Variants in NMT2 observed in about 807,000 individuals in gnomAD.
NMT2 encodes the protein glycylpeptide N-tetradecanoyltransferase 2.
A neutral mutation model predicts 65.4 loss-of-function variants in NMT2; 35 were observed. That is an observed-to-expected ratio of 0.54 (90% confidence interval 0.41 to 0.71). NMT2 has a LOEUF of 0.71. Ranked by LOEUF, NMT2 falls within the 30% of genes least tolerant of loss-of-function variation. The pLI, the probability that NMT2 is intolerant of heterozygous loss-of-function variation, is 0.00. For synonymous variants in NMT2, 226 were observed against 231.8 expected (o/e 0.98, Z 0.23); for missense variants, 489 against 611.3 (o/e 0.80, Z 2.11).
At chr10:15,144,184 T>C (rs1343968003) in intron 1 of NMT2, among the ~76,000 whole-genome samples, 1 of 152,240 alleles carries the variant, frequency 6.6e-6, no homozygotes, top group Non-Finnish European at 1.5e-5. Context: ...GCAAGAGTTT[T>C]TCTTTTTCTC....
chr10:15,140,762 G>A (rs1846724536), intron 2 of NMT2, among the ~76,000 whole-genome samples: 1 of 152,162 alleles, frequency 6.6e-6, no homozygotes, highest in Admixed American at 6.5e-5. Flanking sequence ...AGGGTGCCTG[G>A]GGGTTGGCTC....
At position 15,159,697 on chromosome 10, in the gene NMT2, G is replaced by C. The variant is rs191282418; in HGVS notation, c.110+8806C>G. On this transcript the variant is annotated intron_variant, in intron 1 of 11. Coordinates refer to ENST00000378165, the MANE Select transcript of NMT2 (RefSeq NM_004808.3). ...CCCGCCTCGGCCTCCCAAAGTGCTG[G>C]GATTACAGGCGTGAGCCACTGCGCC... 2.9e-3 allele frequency among the ~76,000 whole-genome samples: 435 copies of C among 152,256 alleles called. 3 individuals are homozygous for C. The highest frequency in any genetic ancestry group is 8.0e-3 in the Admixed American group (123 of 15,280).
chr10:15,120,014 T>C (rs1215051866), intron 8 of NMT2, among the ~76,000 whole-genome samples: 1 of 152,024 alleles, frequency 6.6e-6, no homozygotes, highest in Non-Finnish European at 1.5e-5. Context: ...AGACGAAAAA[T>C]ATTCGGGGAA....
At chr10:15,140,201 C>A (rs577021667) in intron 2 of NMT2, among the ~76,000 whole-genome samples, 1 of 152,220 alleles carries the variant, frequency 6.6e-6, no homozygotes, top group South Asian at 2.1e-4. Context: ...TGGCTCACTG[C>A]AACCTCCACC....
chr10:15,121,064 G>A (rs1459019186), intron 8 of NMT2, among the ~76,000 whole-genome samples: 1 of 152,138 alleles, frequency 6.6e-6, no homozygotes, highest in Non-Finnish European at 1.5e-5. Flanking sequence ...TCAGGGGCCA[G>A]GGGACTTGAG....
intron 8 of NMT2, among the ~76,000 whole-genome samples, chr10:15,127,546 CAAAAAAA>C (rs1239422956): frequency 1.9e-5 from 1 of 51,370 alleles, no homozygotes; most frequent in Non-Finnish European, 4.6e-5. Context: ...GACTCCGTCT[CAAAAAAA>C]AAAAAAAAAA....
Position 15,168,519 on chromosome 10 carries a change from T to C in NMT2, c.94A>G (p.Thr32Ala). 3 of 1,586,402 alleles carry C rather than the reference T, an allele frequency of 1.9e-6. No individual in the cohort carries two copies. Among genetic ancestry groups the C allele is most frequent in the Non-Finnish European group, 2.6e-6 (3 of 1,169,316 alleles). ...CGIDGDNEEE[T>A]EHAKGSPGGY... ...CGCCCCTACCCTTTGGCGTGCTCCG[T>C]CTCCTCCTCATTGTCCCCGTCTATC... The change falls in exon 1 of 12, where the codon ACG becomes GCG. Residue 32 changes from threonine (T) to alanine (A), a missense_variant. By Grantham distance (58) the Thr-to-Ala change is moderately conservative. Coordinates refer to ENST00000378165, the MANE Select transcript of NMT2 (RefSeq NM_004808.3).
At chr10:15,154,795 C>T (rs1224401072) in intron 1 of NMT2, 5 of 744,700 alleles carry the variant, frequency 6.7e-6, no homozygotes, top group Non-Finnish European at 1.2e-5. Context: ...ACAAGTCAAA[C>T]TTATTAGAGT....
chr10:15,149,433 C>T (rs370902514), intron 1 of NMT2, among the ~76,000 whole-genome samples: 1 of 21,442 alleles, frequency 4.7e-5, no homozygotes, highest in Admixed American at 5.4e-4. Context: ...ATCACCATCA[C>T]CATCATCACC....
At chr10:15,118,632 A>G (rs1309449276) in intron 9 of NMT2, among the ~76,000 whole-genome samples, 31 of 152,332 alleles carry the variant, frequency 2.0e-4, no homozygotes, top group Admixed American at 2.0e-3. Context: ...CAAGTTTATA[A>G]AAGAAATAAA....
chr10:15,147,095 C>CAAAAAAAAAAAAAAA (rs34668178), intron 1 of NMT2, among the ~76,000 whole-genome samples: 9 of 44,518 alleles, frequency 2.0e-4, no homozygotes, highest in African/African-American at 2.7e-4. Flanking sequence ...CTCTCGCTCT[C>CAAAAAAAAAAAAAAA]AAAAAAAAAA....
At chr10:15,141,711 G>A (rs146158952) in intron 1 of NMT2, among the ~76,000 whole-genome samples, 154 bp from the exon 2 acceptor site, 2 of 152,334 alleles carry the variant, frequency 1.3e-5, no homozygotes, top group African/African-American at 4.8e-5. Flanking sequence ...AAAGGTAGTG[G>A]AGTGAAGACG....
intron 1 of NMT2, among the ~76,000 whole-genome samples, chr10:15,164,576 G>A (rs1481106830): frequency 6.6e-6 from 1 of 152,198 alleles, no homozygotes. Context: ...AAAGGACAGC[G>A]AGAAGACAGT....
intron 8 of NMT2, among the ~76,000 whole-genome samples, chr10:15,127,546 C>CAAAAAAAAAAAAAAAAAAA (rs1239422956): frequency 3.9e-5 from 2 of 51,394 alleles, no homozygotes; most frequent in African/African-American, 4.9e-5. Flanking sequence ...GACTCCGTCT[C>CAAAAAAAAAAAAAAAAAAA]AAAAAAAAAA....
At chr10:15,114,917 G>A (rs1033075339) in intron 9 of NMT2, among the ~76,000 whole-genome samples, 4 of 152,184 alleles carry the variant, frequency 2.6e-5, no homozygotes, top group East Asian at 1.9e-4. Context: ...CACAAGAATT[G>A]CTTGAACCCA....
chr10:15,131,605 A>G (rs1043052721), intron 6 of NMT2, among the ~76,000 whole-genome samples: 1 of 152,168 alleles, frequency 6.6e-6, no homozygotes, highest in African/African-American at 2.4e-5. Flanking sequence ...GCTCTGAACT[A>G]CAGTAAACCT....
intron 8 of NMT2, among the ~76,000 whole-genome samples, chr10:15,121,260 A>G (rs1310851157): frequency 1.3e-5 from 2 of 152,212 alleles, no homozygotes; most frequent in African/African-American, 4.8e-5. Context: ...TAAAAATTTT[A>G]TATAATCTAG....
intron 1 of NMT2, chr10:15,154,838 G>A: frequency 1.3e-6 from 1 of 777,706 alleles, no homozygotes; most frequent in South Asian, 1.3e-5. Context: ...TCTTCTTCCT[G>A]CTCTTGCCAT....
intron 1 of NMT2, among the ~76,000 whole-genome samples, chr10:15,149,534 A>C (rs1163944829): frequency 1.3e-5 from 2 of 150,122 alleles, no homozygotes; most frequent in African/African-American, 4.9e-5. Flanking sequence ...CATCACCATC[A>C]TCACCACCAT....
Sources: gnomAD v4.1 joint callset for allele counts (sites outside exome capture counted in the v4.1 genomes callset) on GRCh38, gnomAD v4.1.1 for gene constraint, MANE v1.5 for transcripts, NCBI Gene and HGNC (gene_info 2026-07-23, HGNC 2026-07-21) for gene names.